The following DIXDC1 variants were observed in gnomAD, a reference collection of about 807,000 sequenced individuals.
The protein encoded by DIXDC1 is dixin.
A neutral mutation model predicts 103.1 loss-of-function variants in DIXDC1; 64 were observed. The ratio of observed to expected loss-of-function variants is 0.62; its 90% CI spans 0.51 to 0.76. The LOEUF is 0.76. Among genes scored for constraint, DIXDC1 ranks in the 30% least tolerant of loss-of-function variants. The pLI is 0.00. For missense variants in DIXDC1, 759 were observed against 834.2 expected, an observed-to-expected ratio of 0.91 and a Z score of 1.11; for synonymous variants, 266 against 298.5, an observed-to-expected ratio of 0.89 and a Z score of 1.12.
intron 7 of DIXDC1, among the ~76,000 whole-genome samples, chr11:111,984,660 C>G (rs1200541750): frequency 1.3e-5 from 2 of 152,168 alleles, no homozygotes; most frequent in East Asian, 1.9e-4. Context: ...ATTCCACCTA[C>G]GTATATTCTA....
intron 17 of DIXDC1, among the ~76,000 whole-genome samples, chr11:111,999,716 T>C (rs1861007686): frequency 6.6e-6 from 1 of 151,050 alleles, no homozygotes; most frequent in Non-Finnish European, 1.5e-5. Flanking sequence ...AATACAAAAA[T>C]TAGGTGGGCG....
At chr11:111,975,217 C>T in intron 5 of DIXDC1, 3 of 1,306,000 alleles carry the variant, frequency 2.3e-6, no homozygotes, top group Non-Finnish European at 2.9e-6. Flanking sequence ...GTCCCAGTGC[C>T]AGTGCTTAAC....
At chr11:111,982,095 T>A (rs782713371) in intron 6 of DIXDC1, 52 of 337,926 alleles carry the variant, frequency 1.5e-4, no homozygotes, top group Non-Finnish European at 2.1e-4. Flanking sequence ...GTGGAGGGAA[T>A]CTTAATACTT....
chr11:111,978,057 T>G (rs1555172880), intron 5 of DIXDC1, among the ~76,000 whole-genome samples: 1 of 152,180 alleles, frequency 6.6e-6, no homozygotes, highest in Non-Finnish European at 1.5e-5. Context: ...TCTTCCTTAT[T>G]GCCTATTACC....
chr11:111,943,287 G>A (rs1268821871), intron 1 of DIXDC1, among the ~76,000 whole-genome samples: 1 of 150,832 alleles, frequency 6.6e-6, no homozygotes, highest in Admixed American at 6.6e-5. Context: ...GGGACTATAG[G>A]CATGTGCTAC....
chr11:111,982,037 G>T (rs901981490), intron 6 of DIXDC1, among the ~76,000 whole-genome samples: 7 of 152,214 alleles, frequency 4.6e-5, no homozygotes, highest in Non-Finnish European at 8.8e-5. Flanking sequence ...TGGAATGCCA[G>T]TTCTAAGAAT....
At chr11:112,008,372 T>G (rs1861307900) in intron 17 of DIXDC1, among the ~76,000 whole-genome samples, 1 of 152,052 alleles carries the variant, frequency 6.6e-6, no homozygotes, top group Non-Finnish European at 1.5e-5. Context: ...ATGGGAGACT[T>G]TTACACCCCA....
chr11:111,996,123 G>T lies in DIXDC1; in HGVS notation c.1733G>T (p.Arg578Leu), dbSNP rs370924870. 1 of 1,613,574 alleles carries T rather than the reference G, an allele frequency of 6.2e-7. No homozygotes were observed. Among genetic ancestry groups the T allele is most frequent in the Non-Finnish European group, 8.5e-7 (1 of 1,179,746 alleles). ...AGAACTCAAGTAGGTAGTGAATACC[G>T]GGAGTCCTGGCCCCCTAACTCAAGT... Reference protein sequence around the residue: ...SPRTQVGSEYRESWPPNSKLP... With the variant: ...SPRTQVGSEYLESWPPNSKLP... Residue 578 changes from arginine (R) to leucine (L), a missense_variant, in exon 17 of 20, where the codon CGG becomes CTG. This residue lies in a region of DIXDC1 where 657 missense variants were observed against 727.5 expected (regional missense o/e 0.90). Transcript: ENST00000440460.
At chr11:111,950,753 A>G (rs1555169902) in intron 1 of DIXDC1, among the ~76,000 whole-genome samples, 1 of 151,978 alleles carries the variant, frequency 6.6e-6, no homozygotes, top group Non-Finnish European at 1.5e-5. Flanking sequence ...ACTGTGCCCA[A>G]CCAGTAGGTG....
chr11:112,007,279 C>G (rs1345689894), intron 17 of DIXDC1, among the ~76,000 whole-genome samples: 3 of 152,272 alleles, frequency 2.0e-5, no homozygotes, highest in South Asian at 4.1e-4. Context: ...AAGCAACGAA[C>G]AAAGCCTCCA....
At chr11:111,999,331 C>T (rs1211847732) in intron 17 of DIXDC1, among the ~76,000 whole-genome samples, 1 of 152,122 alleles carries the variant, frequency 6.6e-6, no homozygotes, top group Non-Finnish European at 1.5e-5. Context: ...GATAAAAACC[C>T]ATATAACCAG....
chr11:112,011,339 C>A (rs962373425), intron 17 of DIXDC1, among the ~76,000 whole-genome samples: 11 of 152,158 alleles, frequency 7.2e-5, no homozygotes, highest in Middle Eastern at 3.2e-3. Flanking sequence ...AATAGGAATG[C>A]TTTTACACTG....
chr11:111,982,397 G>A lies in DIXDC1; in HGVS notation c.828G>A (p.Leu276=), dbSNP rs1304801857. The change falls in exon 7 of 20, where the codon CTG becomes CTA. Residue 276 remains leucine, a synonymous_variant. Coordinates refer to ENST00000440460, the MANE Select transcript of DIXDC1 (RefSeq NM_001037954.4). The part of the protein sequence containing the change: ...DWRPGSPGTY[L]ETSWEEQLLE... ...GGCCAGGGAGCCCTGGAACCTATCT[G>A]GAGACCTCATGGGAAGAACAGCTGT... 13 of 1,613,796 alleles carry A rather than the reference G, an allele frequency of 8.1e-6. No individual in the cohort carries two copies. In the Middle Eastern group the frequency reaches 8.2e-4, roughly 102 times the overall value.
intron 7 of DIXDC1, among the ~76,000 whole-genome samples, chr11:111,984,042 G>A (rs1860409745): frequency 6.6e-6 from 1 of 152,120 alleles, no homozygotes; most frequent in Non-Finnish European, 1.5e-5. Flanking sequence ...ATATATGTCT[G>A]TACCTGTTGC....
At chr11:111,974,371 A>C in intron 4 of DIXDC1, 117 bp downstream of exon 4, 1 of 992,018 alleles carries the variant, frequency 1.0e-6, no homozygotes, top group Non-Finnish European at 1.5e-6. Context: ...GCAGAAAAGA[A>C]CATGGAGTGG....
intron 1 of DIXDC1, among the ~76,000 whole-genome samples, chr11:111,953,358 C>T (rs753526882): frequency 3.9e-5 from 6 of 152,002 alleles, no homozygotes; most frequent in Admixed American, 2.6e-4. Flanking sequence ...TCAACCAGGC[C>T]GGGCACAGTG....
intron 1 of DIXDC1, chr11:111,946,848 T>C: frequency 2.5e-6 from 1 of 398,452 alleles, no homozygotes; most frequent in South Asian, 2.0e-5. Flanking sequence ...TGTTAGAGGC[T>C]GTATTGCAGA....
In DIXDC1 at chr11:111,937,354, A is replaced by C; in HGVS notation, c.-146A>C. Reference sequence around the variant, plus strand: ...CAGTGCAAGCCGCTAGTTTGGCTCCAGTCTAGGTTTCCAGTAAGTGGCATG... The same window carrying C: ...CAGTGCAAGCCGCTAGTTTGGCTCCCGTCTAGGTTTCCAGTAAGTGGCATG... On this transcript the variant is annotated 5_prime_UTR_variant, in exon 1 of 20. Transcript: ENST00000440460. 2.2e-5 allele frequency: 31 copies of C among 1,434,392 alleles called. No individual in the cohort carries two copies. Among genetic ancestry groups the C allele is most frequent in the Non-Finnish European group, 2.8e-5 (31 of 1,095,382 alleles). 88.9% of individuals were successfully genotyped at this position (1,434,392 alleles called of 1,614,324 possible).
At chr11:111,992,210 A>G (rs1555174601) in intron 10 of DIXDC1, among the ~76,000 whole-genome samples, 1 of 152,188 alleles carries the variant, frequency 6.6e-6, no homozygotes, top group East Asian at 1.9e-4. Context: ...AGAACAGTGG[A>G]TAGGATTTTG....
Sources: allele counts gnomAD v4.1 joint callset (sites outside exome capture counted in the v4.1 genomes callset), GRCh38; gene constraint gnomAD v4.1.1; regional missense constraint gnomAD v4.1.1; transcripts MANE v1.5; gene names NCBI Gene and HGNC (gene_info 2026-07-23, HGNC 2026-07-21).